Variants in NMRAL1 observed in about 807,000 individuals in gnomAD.
The protein encoded by NMRAL1 is nmrA-like family domain-containing protein 1.
In NMRAL1, 32 loss-of-function variants were observed where a neutral mutation model predicts 27.5. The ratio of observed to expected loss-of-function variants is 1.16; its 90% CI spans 0.88 to 1.56. The LOEUF is 1.56. Ranked by LOEUF, NMRAL1 falls within the 40% of genes most tolerant of loss-of-function variation. The probability of loss-of-function intolerance (pLI) is 0.00; values close to 1 mark genes in which losing one functional copy is unlikely to be tolerated. For missense variants in NMRAL1, 420 were observed against 392.0 expected, an observed-to-expected ratio of 1.07 and a Z score of -0.60; for synonymous variants, 166 against 166.8, an observed-to-expected ratio of 1.00 and a Z score of 0.04.
intron 4 of NMRAL1, chr16:4,464,180 A>C: frequency 2.6e-6 from 1 of 390,576 alleles, no homozygotes; most frequent in East Asian, 4.9e-5. Flanking sequence ...GGACAAAGGA[A>C]AAGGACTCTG....
rs1195909995 is a variant in NMRAL1, at chr16:4,469,343, C to T, written c.163G>A (p.Val55Met). Residue 55 changes from valine (V) to methionine (M), a missense_variant, in exon 3 of 6, where the codon GTG (valine) becomes ATG (methionine). Physicochemically the swap from Val to Met is conservative, Grantham distance 21. Transcript: ENST00000283429. ...KELRLQGAEV[V>M]QGDQDDQVIM... The stretch of plus-strand genomic sequence containing the variant: ...ACCTGGTCATCTTGGTCTCCCTGCA[C>T]TACTTCTGCACCTTGCAGCCTCAGC... 1 of 1,614,040 alleles carries T rather than the reference C, an allele frequency of 6.2e-7. No homozygotes were observed. Among genetic ancestry groups the T allele is most frequent in the Non-Finnish European group, 8.5e-7 (1 of 1,179,970 alleles).
chr16:4,468,700 T>G (rs1184709245), intron 3 of NMRAL1, among the ~76,000 whole-genome samples: 1 of 150,522 alleles, frequency 6.6e-6, no homozygotes, highest in African/African-American at 2.5e-5. Context: ...GGTAAGACCA[T>G]AATTGAAGAA....
chr16:4,466,062 GGC>G, intron 4 of NMRAL1, 89 bp downstream of exon 4: 1 of 1,504,038 alleles, frequency 6.6e-7, no homozygotes, highest in Non-Finnish European at 9.1e-7. Flanking sequence ...GCTTGAACCT[GGC>G]ACCACGTGAC....
chr16:4,475,669 T>A (rs573541102), upstream of NMRAL1, among the ~76,000 whole-genome samples: 36 of 151,774 alleles, frequency 2.4e-4, no homozygotes, highest in East Asian at 6.9e-3. Flanking sequence ...CTGGGCTGGG[T>A]GCGGTGGCCT....
At chr16:4,462,005 G>GGGAGGTGGCGGGGCAGGGAGGCC (rs2057132436) in intron 5 of NMRAL1, 46 bp from the exon 6 acceptor site, 2 of 1,532,116 alleles carry the variant, frequency 1.3e-6, no homozygotes, top group Non-Finnish European at 1.8e-6. Flanking sequence ...CCAGTGCCCC[G>GGGAGGTGGCGGGGCAGGGAGGCC]GGAGGTGGCG....
intron 2 of NMRAL1, among the ~76,000 whole-genome samples, chr16:4,470,077 G>A (rs1300272963): frequency 4.7e-5 from 7 of 147,862 alleles, no homozygotes; most frequent in East Asian, 2.0e-4. Flanking sequence ...CAGGAGAATC[G>A]CTTGAACACA....
Position 4,467,928 on chromosome 16 carries a change from T to C in NMRAL1, c.279+1299A>G, listed in dbSNP as rs189028154. Among the ~76,000 whole-genome samples, 140 of 152,088 alleles carry C rather than the reference T, an allele frequency of 9.2e-4. 1 individual carries two copies. The highest frequency in any genetic ancestry group is 2.9e-3 in the Admixed American group (44 of 15,262). ...AGCCACTGTGCCCAGCTGATTTCTA[T>C]GGTTTTAAGCCACGTGGATTGTGGT... On this transcript the variant is annotated intron_variant, in intron 3 of 5. Transcript: ENST00000283429.
chr16:4,471,810 T>C (rs1161545613), intron 2 of NMRAL1, among the ~76,000 whole-genome samples: 2 of 151,850 alleles, frequency 1.3e-5, no homozygotes, highest in African/African-American at 2.4e-5. Flanking sequence ...CAGTAGCTCA[T>C]AGCTGTAATC....
intron 2 of NMRAL1, among the ~76,000 whole-genome samples, chr16:4,471,911 C>T (rs768268039): frequency 2.0e-5 from 3 of 151,724 alleles, no homozygotes; most frequent in Non-Finnish European, 4.4e-5. Flanking sequence ...CCAGTCTCTA[C>T]AAAAAATTAA....
rs761972139 is a variant in NMRAL1, at chr16:4,469,243, T to C, written c.263A>G (p.Glu88Gly). 3.7e-5 allele frequency: 59 copies of C among 1,613,590 alleles called. No individual in the cohort carries two copies. The change falls in exon 3 of 6, where the codon GAG (glutamate) becomes GGG (glycine). Residue 88 changes from glutamate to glycine, a missense_variant. Physicochemically the swap from Glu to Gly is moderately conservative, Grantham distance 98. Transcript: ENST00000283429. ...TGCCCTCACCTGCTTGACCTCCTGC[T>C]CCTGGCTGCAGCTCTCCCAGTAATT... The part of the protein sequence containing the change: ...VTNYWESCSQ[E>G]QEVKQGKLLA...
At position 4,461,959 on chromosome 16, in the gene NMRAL1, T is replaced by C. The variant is rs1167637918; in HGVS notation, c.721A>G (p.Met241Val). 5 of 1,609,654 alleles carry C rather than the reference T, an allele frequency of 3.1e-6. No homozygotes were observed. Among genetic ancestry groups the C allele is most frequent in the Non-Finnish European group, 4.2e-6 (5 of 1,177,788 alleles). Residue 241 changes from methionine (M) to valine (V), a missense_variant and splice_region_variant, in exon 6 of 6, where the codon ATG (methionine) becomes GTG (valine). Physicochemically the swap from Met to Val is conservative, Grantham distance 21 (BLOSUM62 1). Transcript: ENST00000283429. The part of the protein sequence containing the change: ...HTRKVVHDAK[M>V]TPEDYEKLGF... ...AGCTTTTCGTAGTCCTCAGGAGTCA[T>C]CTGGAAGCAGAGGAGCCTGTCGTGG... is the stretch of plus-strand genomic sequence containing the variant.
chr16:4,468,296 C>T lies in NMRAL1; in HGVS notation c.279+931G>A, dbSNP rs908157280. Among the ~76,000 whole-genome samples the T allele has an allele frequency of 5.3e-5, 8 of 150,824 alleles. 1 individual carries two copies. The South Asian group carries it at 8.4e-4, about 16-fold the overall frequency. ...CAGCCTGGGCAACAAAAGCGAAACT[C>T]GGCCTCAAAAAATAAAGAAAGAAAT... On this transcript the variant is annotated intron_variant, in intron 3 of 5. Transcript: ENST00000283429.
intron 5 of NMRAL1, 78 bp downstream of exon 5, chr16:4,463,582 A>G (rs1207647519): frequency 5.5e-6 from 7 of 1,274,680 alleles, no homozygotes; most frequent in African/African-American, 1.5e-5. Flanking sequence ...AGGTGTGGGC[A>G]GCCCTGGACA....
At chr16:4,472,675 C>A (rs1270676824) in intron 2 of NMRAL1, among the ~76,000 whole-genome samples, 3 of 148,266 alleles carry the variant, frequency 2.0e-5, no homozygotes, top group Non-Finnish European at 4.4e-5. Context: ...ACCCGAGTGG[C>A]AGAAGTTGCA....
Position 4,466,235 on chromosome 16 carries a change from A to T in NMRAL1, c.447T>A (p.Ser149Arg), listed in dbSNP as rs1445771339. 2 of 1,614,104 alleles carry T rather than the reference A, an allele frequency of 1.2e-6. No individual in the cohort carries two copies. The highest frequency in any genetic ancestry group is 1.7e-6 in the Non-Finnish European group (2 of 1,180,022). The change falls in exon 4 of 6, where the codon AGT becomes AGA. Residue 149 changes from serine (S) to arginine (R), a missense_variant. Ser to Arg is a moderately radical substitution (Grantham distance 110, BLOSUM62 -1). Coordinates refer to ENST00000283429, the MANE Select transcript of NMRAL1 (RefSeq NM_020677.6). ...YFRDIGVPMT[S>R]VRLPCYFENL... ...TCTCAAAATAGCAGGGCAGCCGCACACTGGTCATGGGAACGCCAATGTCCC... is the reference window on the plus strand; with the variant it reads ...TCTCAAAATAGCAGGGCAGCCGCACTCTGGTCATGGGAACGCCAATGTCCC...
At position 4,461,787 on chromosome 16, in the gene NMRAL1, AG is replaced by A; in HGVS notation, c.892del (p.Leu298CysfsTer26). 1.2e-6 allele frequency: 2 copies of A among 1,611,380 alleles called. No homozygotes were observed. Among genetic ancestry groups the A allele is most frequent in the Non-Finnish European group, 1.7e-6 (2 of 1,178,884 alleles). ...WLEQHKGDFN[L>X]L ...GGCCGCGAGGCGGGCAGGTCACAGC[AG>A]GTTGAAGTCCCCTTTGTGCTGTTCC... On this transcript the variant is annotated frameshift_variant, in exon 6 of 6. Coordinates refer to ENST00000283429, the MANE Select transcript of NMRAL1 (RefSeq NM_020677.6). LOFTEE classifies it high-confidence loss of function.
intron 5 of NMRAL1, 55 bp downstream of exon 5, chr16:4,463,605 G>A (rs530569225): frequency 1.9e-5 from 30 of 1,553,996 alleles, no homozygotes; most frequent in African/African-American, 6.8e-5. Context: ...CCCTCCCTAC[G>A]GGAGCTAGAA....
At chr16:4,472,941 T>C (rs2057635784) in intron 2 of NMRAL1, among the ~76,000 whole-genome samples, 1 of 150,244 alleles carries the variant, frequency 6.7e-6, no homozygotes, top group Non-Finnish European at 1.5e-5. Flanking sequence ...GGAGTAAGAA[T>C]GGGGAGTAAC....
intron 2 of NMRAL1, among the ~76,000 whole-genome samples, chr16:4,473,563 A>G (rs1320986858): frequency 6.6e-6 from 1 of 152,146 alleles, no homozygotes; most frequent in East Asian, 1.9e-4. Context: ...GAGGCTAGGA[A>G]GAAGATTTAA....
Sources: gnomAD v4.1 joint callset for allele counts (sites outside exome capture counted in the v4.1 genomes callset) on GRCh38, gnomAD v4.1.1 for gene constraint, MANE v1.5 for transcripts, NCBI Gene and HGNC (gene_info 2026-07-23, HGNC 2026-07-21) for gene names.